ZC3H13: variants seen among roughly 807,000 people sequenced by gnomAD.
ZC3H13 encodes the protein zinc finger CCCH-type containing 13.
Under a neutral mutation model 204.1 loss-of-function variants are expected in ZC3H13, and 64 were observed. That is an observed-to-expected ratio of 0.31 (90% CI 0.26 to 0.39). The LOEUF (loss-of-function observed/expected upper bound fraction) is 0.39, where lower values mean the gene tolerates loss of function less well. Ranked by LOEUF, ZC3H13 falls within the 10% of genes least tolerant of loss-of-function variation. ZC3H13 has a pLI of 1.00. For synonymous variants in ZC3H13, 667 were observed against 693.7 expected (o/e 0.96, Z 0.60); for missense variants, 1,833 against 2,082.7 (o/e 0.88, Z 2.33).
intron 12 of ZC3H13, among the ~76,000 whole-genome samples, chr13:45,972,913 T>C (rs1952706287): frequency 6.6e-6 from 1 of 152,058 alleles, no homozygotes; most frequent in South Asian, 2.1e-4. Context: ...GGCCAGGGGG[T>C]CAAGTGGAGG....
At chr13:45,978,658 A>G (rs545048110) in intron 11 of ZC3H13, among the ~76,000 whole-genome samples, 5 of 152,234 alleles carry the variant, frequency 3.3e-5, no homozygotes, top group African/African-American at 7.2e-5. Context: ...ACTAACCATA[A>G]GATTGAAACC....
chr13:45,972,603 C>T (rs1952675698), intron 12 of ZC3H13, among the ~76,000 whole-genome samples: 1 of 152,034 alleles, frequency 6.6e-6, no homozygotes, highest in Non-Finnish European at 1.5e-5. Flanking sequence ...AAAAACATAC[C>T]AGCACATGTA....
intron 10 of ZC3H13, among the ~76,000 whole-genome samples, chr13:45,983,413 A>ATATATATATATATATATATTT (rs1555277663): frequency 3.2e-5 from 1 of 31,132 alleles, no homozygotes; most frequent in Non-Finnish European, 4.9e-5. Context: ...ATATATATAT[A>ATATATATATATATATATATTT]TTTTTTTTTT....
In ZC3H13 at chr13:45,963,560, C is replaced by T. The variant is rs1016041148; in HGVS notation, c.4675+282G>A. On this transcript the variant is annotated intron_variant, in intron 17 of 18. Coordinates refer to ENST00000679008, the MANE Select transcript of ZC3H13 (RefSeq NM_001330564.2). ...CCTCAACCTCCCTGAGTAGCTGTGA[C>T]TACAGACATGCAACACCACGCCTGG... 2.6e-6 allele frequency: 3 copies of T among 1,161,762 alleles called. No homozygotes were observed. The Admixed American group carries it at 1.3e-4, about 52-fold the overall frequency. 72.0% of individuals were successfully genotyped at this position (1,161,762 alleles called of 1,614,324 possible). A position where few individuals can be genotyped will look rare whatever the true frequency, so the allele number is the denominator to read the frequency against.
At chr13:46,021,606 G>A (rs2042223627) in intron 4 of ZC3H13, among the ~76,000 whole-genome samples, 1 of 151,756 alleles carries the variant, frequency 6.6e-6, no homozygotes. Flanking sequence ...TACATATTTA[G>A]GCATGAAGTC....
At chr13:46,016,306 T>C (rs1016116449) in intron 5 of ZC3H13, among the ~76,000 whole-genome samples, 5 of 152,118 alleles carry the variant, frequency 3.3e-5, no homozygotes, top group Admixed American at 1.3e-4. Flanking sequence ...TTATGCATAA[T>C]AGCACCAAAC....
At chr13:46,048,198 T>C (rs1352833051) in intron 1 of ZC3H13, among the ~76,000 whole-genome samples, 1 of 152,232 alleles carries the variant, frequency 6.6e-6, no homozygotes, top group Non-Finnish European at 1.5e-5. Flanking sequence ...TGTCCTCTGT[T>C]GCCTGATTCG....
intron 7 of ZC3H13, among the ~76,000 whole-genome samples, chr13:46,004,337 C>G (rs1008536166): frequency 6.6e-6 from 1 of 151,902 alleles, no homozygotes; most frequent in Admixed American, 6.6e-5. Context: ...GTCAGGAGTT[C>G]GAGACCAGCC....
chr13:45,973,000 G>A (rs1486465586), intron 12 of ZC3H13, among the ~76,000 whole-genome samples: 1 of 152,200 alleles, frequency 6.6e-6, no homozygotes, highest in Non-Finnish European at 1.5e-5. Flanking sequence ...ATTGTCAGAT[G>A]TAATGTTGAT....
At chr13:45,967,385 G>T in intron 15 of ZC3H13, 119 bp downstream of exon 15, 2 of 1,121,076 alleles carry the variant, frequency 1.8e-6, no homozygotes, top group Non-Finnish European at 1.2e-6. Context: ...CTCTATAGAA[G>T]AATGGAGAAT....
chr13:46,003,721 C>T (rs886718442), intron 7 of ZC3H13, among the ~76,000 whole-genome samples: 12 of 152,060 alleles, frequency 7.9e-5, no homozygotes, highest in Non-Finnish European at 2.9e-5. Context: ...CTATTTTTAA[C>T]ATCTTGAATA....
chr13:46,005,856 G>C (rs2041102975), intron 7 of ZC3H13, among the ~76,000 whole-genome samples: 1 of 152,080 alleles, frequency 6.6e-6, no homozygotes, highest in African/African-American at 2.4e-5. Flanking sequence ...CACTTTGAAA[G>C]GCCAAGGTGG....
intron 8 of ZC3H13, among the ~76,000 whole-genome samples, chr13:46,000,188 C>T (rs1267508003): frequency 2.6e-5 from 4 of 152,170 alleles, no homozygotes; most frequent in Non-Finnish European, 4.4e-5. Flanking sequence ...GCACTGGCCC[C>T]TAACGAGAGA....
chr13:45,969,102 T>C lies in ZC3H13; in HGVS notation c.3442A>G (p.Asn1148Asp), dbSNP rs758943271. Residue 1148 changes from asparagine (N) to aspartate (D), a missense_variant, in exon 14 of 19, where the codon AAT becomes GAT. Asn to Asp is a conservative substitution (Grantham distance 23, BLOSUM62 1). Around this residue, in one of 5 missense-constraint regions of ZC3H13, gnomAD observed 1,574 missense variants for 1,757.2 expected, o/e 0.90. Coordinates refer to ENST00000679008, the MANE Select transcript of ZC3H13 (RefSeq NM_001330564.2). ...STSATPTNTT[N>D]NTFANEDSHR... ...GAGTCTTCATTGGCAAAAGTATTAT[T>C]GGTGGTATTGGTGGGGGTGGCAGAG... 1.2e-6 allele frequency: 2 copies of C among 1,614,160 alleles called. No homozygotes were observed. Among genetic ancestry groups the C allele is most frequent in the East Asian group, 4.5e-5 (2 of 44,890 alleles).
intron 10 of ZC3H13, among the ~76,000 whole-genome samples, chr13:45,981,080 A>C (rs1953546982): frequency 6.6e-6 from 1 of 152,202 alleles, no homozygotes; most frequent in African/African-American, 2.4e-5. Flanking sequence ...AAACAAAATG[A>C]AATTTAAAAA....
At chr13:45,965,164 T>A in intron 16 of ZC3H13, 116 bp downstream of exon 16, 1 of 1,317,816 alleles carries the variant, frequency 7.6e-7, no homozygotes, top group Non-Finnish European at 1.0e-6. Flanking sequence ...TTAAGTAAAA[T>A]GTAAAAGGAA....
In ZC3H13 at chr13:45,988,899, AGAC is replaced by A; in HGVS notation, c.1140_1142del (p.Ser381del). The A allele has an allele frequency of 6.2e-7, 1 of 1,614,136 alleles. No individual in the cohort carries two copies. Among genetic ancestry groups the A allele is most frequent in the Non-Finnish European group, 8.5e-7 (1 of 1,180,020 alleles). ...TTGGAGGACTCTGCTTTCTCTGGGG[AGAC>A]GACAAAGAATGTGAAGGATAAGGAG... On this transcript the variant is annotated inframe_deletion, in exon 9 of 19. Coordinates refer to ENST00000679008, the MANE Select transcript of ZC3H13 (RefSeq NM_001330564.2).
intron 10 of ZC3H13, among the ~76,000 whole-genome samples, chr13:45,982,941 A>G (rs1265564205): frequency 6.6e-6 from 1 of 152,210 alleles, no homozygotes; most frequent in Non-Finnish European, 1.5e-5. Context: ...TGTACCTAAT[A>G]GCAAAGCTTC....
Position 46,045,403 on chromosome 13 carries a change from G to A in ZC3H13, c.105C>T (p.Gly35=), listed in dbSNP as rs775804515. Residue 35 remains glycine (G), a synonymous_variant, in exon 2 of 19, where the codon GGC becomes GGT. Coordinates refer to ENST00000679008, the MANE Select transcript of ZC3H13 (RefSeq NM_001330564.2). ...AGTGACAACTCACCTCTGCTGTACT[G>A]CCAGTGCTGGGTCCAAGCCTCTCAA... The part of the protein sequence containing the change: ...SVFERLGPST[G]STAETQCRNW... 1 of 1,613,636 alleles carries A rather than the reference G, an allele frequency of 6.2e-7. No individual in the cohort carries two copies. Among genetic ancestry groups the A allele is most frequent in the South Asian group, 1.1e-5 (1 of 91,082 alleles).
Sources: allele counts gnomAD v4.1 joint callset (sites outside exome capture counted in the v4.1 genomes callset), GRCh38; gene constraint gnomAD v4.1.1; regional missense constraint gnomAD v4.1.1; transcripts MANE v1.5; gene names NCBI Gene and HGNC (gene_info 2026-07-23, HGNC 2026-07-21).